CSMD3: variants seen among roughly 807,000 people sequenced by gnomAD.
The protein encoded by CSMD3 is CUB and sushi domain-containing protein 3.
CSMD3 carries 177 observed loss-of-function variants against 435.2 expected under a neutral mutation model. That is an observed-to-expected ratio of 0.41 (90% CI 0.36 to 0.46). The LOEUF (loss-of-function observed/expected upper bound fraction) is 0.46. Ranked by LOEUF, CSMD3 falls within the 20% of genes least tolerant of loss-of-function variation. CSMD3 has a pLI of 0.34. For missense variants in CSMD3, 4,265 were observed against 4,504.6 expected (o/e 0.95, Z 1.52); for synonymous variants, 1,656 against 1,520.5 (o/e 1.09, Z -2.07).
intron 11 of CSMD3, among the ~76,000 whole-genome samples, chr8:112,841,336 A>G (rs949762373): frequency 2.0e-5 from 3 of 151,710 alleles, no homozygotes; most frequent in African/African-American, 7.2e-5. Context: ...AAAATCCTTT[A>G]TGAGGACTAC....
At chr8:113,192,681 C>T (rs1025498934) in intron 3 of CSMD3, among the ~76,000 whole-genome samples, 5 of 151,196 alleles carry the variant, frequency 3.3e-5, no homozygotes, top group African/African-American at 7.3e-5. Context: ...TTTTTATAGC[C>T]AAGAGCTTTC....
At chr8:112,470,916 T>TA (rs1033700399) in intron 32 of CSMD3, among the ~76,000 whole-genome samples, 85 of 151,682 alleles carry the variant, frequency 5.6e-4, no homozygotes, top group Middle Eastern at 3.4e-3. Flanking sequence ...AAGATTCATT[T>TA]AAAAAAAACA....
intron 10 of CSMD3, among the ~76,000 whole-genome samples, chr8:112,903,823 C>G (rs1027802919): frequency 2.6e-5 from 4 of 151,230 alleles, no homozygotes; most frequent in African/African-American, 9.7e-5. Flanking sequence ...GATATTTTTT[C>G]TACCTTTATT....
chr8:113,417,438 G>T (rs2094587006), intron 1 of CSMD3, among the ~76,000 whole-genome samples: 1 of 151,814 alleles, frequency 6.6e-6, no homozygotes, highest in South Asian at 2.1e-4. Context: ...AACAAAGTCT[G>T]TTTTTGTGAA....
intron 9 of CSMD3, among the ~76,000 whole-genome samples, chr8:112,924,354 G>A (rs1281369392): frequency 6.6e-6 from 1 of 152,110 alleles, no homozygotes; most frequent in Non-Finnish European, 1.5e-5. Context: ...AAACTTTAGG[G>A]GATGGAGAAA....
chr8:112,535,391 A>C (rs2131099320), intron 27 of CSMD3, among the ~76,000 whole-genome samples: 1 of 152,112 alleles, frequency 6.6e-6, no homozygotes, highest in African/African-American at 2.4e-5. Flanking sequence ...ACAAACAGAG[A>C]GCCAAATCAT....
At chr8:112,898,442 G>C (rs1465159527) in intron 10 of CSMD3, among the ~76,000 whole-genome samples, 1 of 151,134 alleles carries the variant, frequency 6.6e-6, no homozygotes, top group Non-Finnish European at 1.5e-5. Flanking sequence ...AAAGACTTTT[G>C]TTAGATATTA....
Position 112,682,465 on chromosome 8 carries a change from C to T in CSMD3, c.2654G>A (p.Ser885Asn). 6.2e-7 allele frequency: 1 copy of T among 1,612,332 alleles called. No homozygotes were observed. Among genetic ancestry groups the T allele is most frequent in the South Asian group, 1.1e-5 (1 of 91,016 alleles). ...CILMDGKVMW[S>N]GLIPKCGAPC... ...ACCTCCACATTTTGGAATCAGTCCA[C>T]TCCACATTACTTTTCCATCCATAAG... Residue 885 changes from serine to asparagine, a missense_variant, in exon 16 of 71, where the codon AGT becomes AAT. Around this residue, in one of 3 missense-constraint regions of CSMD3, gnomAD observed 279 missense variants for 369.0 expected, o/e 0.76. Coordinates refer to ENST00000297405, the MANE Select transcript of CSMD3 (RefSeq NM_198123.2).
At chr8:113,001,244 T>C (rs2085852238) in intron 6 of CSMD3, among the ~76,000 whole-genome samples, 1 of 152,030 alleles carries the variant, frequency 6.6e-6, no homozygotes, top group African/African-American at 2.4e-5. Context: ...AAACATATTT[T>C]CCCTCTCTCC....
chr8:112,610,772 C>A (rs1282239243), intron 22 of CSMD3, among the ~76,000 whole-genome samples: 1 of 152,152 alleles, frequency 6.6e-6, no homozygotes, highest in African/African-American at 2.4e-5. Flanking sequence ...GCACCATCTT[C>A]TGATTTTCAT....
intron 47 of CSMD3, among the ~76,000 whole-genome samples, chr8:112,316,925 T>C (rs1179585021): frequency 6.6e-6 from 1 of 151,930 alleles, no homozygotes; most frequent in Non-Finnish European, 1.5e-5. Context: ...TTAGGAAAAG[T>C]CAAAAAATTT....
At chr8:112,620,628 T>C (rs1006557916) in intron 22 of CSMD3, among the ~76,000 whole-genome samples, 8 of 152,090 alleles carry the variant, frequency 5.3e-5, no homozygotes, top group Admixed American at 5.2e-4. Flanking sequence ...TGGAAATTAA[T>C]CAACTGACCA....
At chr8:112,901,662 G>A (rs572607026) in intron 10 of CSMD3, among the ~76,000 whole-genome samples, 5 of 151,210 alleles carry the variant, frequency 3.3e-5, no homozygotes, top group Non-Finnish European at 7.4e-5. Context: ...CTACTTTAAA[G>A]ACAAGGATGA....
intron 1 of CSMD3, among the ~76,000 whole-genome samples, chr8:113,411,485 A>G (rs1236523801): frequency 6.6e-6 from 1 of 152,212 alleles, no homozygotes; most frequent in Non-Finnish European, 1.5e-5. Flanking sequence ...CAGTAAATAA[A>G]AATACATATT....
chr8:112,851,077 G>A lies in CSMD3; in HGVS notation c.1755+8068C>T, dbSNP rs116051177. Among the ~76,000 whole-genome samples the A allele has an allele frequency of 5.1e-4, 78 of 152,000 alleles. No individual in the cohort carries two copies. In the Middle Eastern group the frequency reaches 0.01, roughly 20 times the overall value. On this transcript the variant is annotated intron_variant, in intron 11 of 70. Transcript: ENST00000297405. ...TATAACATTATATTTTAGTTCAGATGATTTCAATTTTATTATTGGATATGC... is the reference window on the plus strand; with the variant it reads ...TATAACATTATATTTTAGTTCAGATAATTTCAATTTTATTATTGGATATGC...
In CSMD3 at chr8:113,177,969, A is replaced by G. The variant is rs2092371472; in HGVS notation, c.515-4053T>C. On this transcript the variant is annotated intron_variant, in intron 3 of 70. Coordinates refer to ENST00000297405, the MANE Select transcript of CSMD3 (RefSeq NM_198123.2). Reference sequence around the variant, plus strand: ...GTGTTTAAAGGGGTAGAGTTCAGTGACACTCTTCTCTATTAGTTGAAAGAA... The same window carrying G: ...GTGTTTAAAGGGGTAGAGTTCAGTGGCACTCTTCTCTATTAGTTGAAAGAA... 2.0e-5 allele frequency among the ~76,000 whole-genome samples: 3 copies of G among 152,084 alleles called. 1 individual carries two copies. In the South Asian group the frequency reaches 6.2e-4, roughly 32 times the overall value.
intron 54 of CSMD3, among the ~76,000 whole-genome samples, chr8:112,293,789 A>T (rs1000289558): frequency 2.0e-5 from 3 of 152,154 alleles, no homozygotes; most frequent in Admixed American, 6.6e-5. Context: ...TGGGCACAGG[A>T]AACGACCACA....
At chr8:113,289,838 TG>T (rs984872024) in intron 2 of CSMD3, among the ~76,000 whole-genome samples, 3 of 151,898 alleles carry the variant, frequency 2.0e-5, no homozygotes, top group African/African-American at 7.2e-5. Flanking sequence ...GACAATTTTT[TG>T]TTTGGTCCAC....
intron 10 of CSMD3, among the ~76,000 whole-genome samples, chr8:112,919,569 T>A (rs2082673901): frequency 6.6e-6 from 1 of 151,824 alleles, no homozygotes; most frequent in East Asian, 1.9e-4. Flanking sequence ...CTTTTCTCTG[T>A]CATCTATTTT....
Sources: allele counts gnomAD v4.1 joint callset (sites outside exome capture counted in the v4.1 genomes callset), GRCh38; gene constraint gnomAD v4.1.1; regional missense constraint gnomAD v4.1.1; transcripts MANE v1.5; gene names NCBI Gene and HGNC (gene_info 2026-07-23, HGNC 2026-07-21).